BTBD9: variants seen among roughly 807,000 people sequenced by gnomAD.
BTBD9 encodes the protein BTB domain containing 9, also known as BTB/POZ domain-containing protein 9.
A neutral mutation model predicts 64.3 loss-of-function variants in BTBD9; 49 were observed. The ratio of observed to expected loss-of-function variants is 0.76; its 90% CI spans 0.61 to 0.97. BTBD9 has a LOEUF of 0.97. BTBD9 is among the 50% of genes least tolerant of loss of function. The pLI is 0.00. For missense variants in BTBD9, 598 were observed against 762.1 expected (o/e 0.78, Z 2.53); for synonymous variants, 260 against 274.7 (o/e 0.95, Z 0.53).
intron 6 of BTBD9, among the ~76,000 whole-genome samples, chr6:38,412,115 C>G (rs1767455106): frequency 6.6e-6 from 1 of 151,816 alleles, no homozygotes; most frequent in African/African-American, 2.4e-5. Context: ...ACTGATCAAT[C>G]TGACTACATA....
rs562471445 is a variant in BTBD9, at chr6:38,463,114, A to AT, written c.1154+114485dup. 3.1e-3 allele frequency among the ~76,000 whole-genome samples: 479 copies of AT among 152,200 alleles called. 2 individuals carry two copies. The highest frequency in any genetic ancestry group is 0.011 in the African/African-American group (457 of 41,518). On this transcript the variant is annotated intron_variant, in intron 6 of 10. Coordinates refer to ENST00000481247, the MANE Select transcript of BTBD9 (RefSeq NM_001099272.2). ...CCTGGCCTTGCACATCTTTTATCAGATTTTTTCCCCTAAGTATTTCAAATC... is the reference window on the plus strand; with the variant it reads ...CCTGGCCTTGCACATCTTTTATCAGATTTTTTTCCCCTAAGTATTTCAAATC...
At chr6:38,189,634 G>A (rs968762008) in intron 10 of BTBD9, among the ~76,000 whole-genome samples, 2 of 151,656 alleles carry the variant, frequency 1.3e-5, no homozygotes, top group Non-Finnish European at 2.9e-5. Flanking sequence ...GGGACTATAG[G>A]TGCACACCAC....
At chr6:38,602,858 GA>G (rs1038452554) in intron 1 of BTBD9, among the ~76,000 whole-genome samples, 6 of 150,778 alleles carry the variant, frequency 4.0e-5, no homozygotes, top group African/African-American at 9.8e-5. Context: ...ACTGGCAAGA[GA>G]AAAAAAAAGT....
intron 6 of BTBD9, among the ~76,000 whole-genome samples, chr6:38,487,624 A>AGAGAGAGAG (rs1771516499): frequency 7.4e-6 from 1 of 134,590 alleles, no homozygotes; most frequent in Admixed American, 7.4e-5. Flanking sequence ...AGAGAGAGAG[A>AGAGAGAGAG]AGGAAGGAAA....
chr6:38,390,117 T>C (rs1052564152), intron 6 of BTBD9, among the ~76,000 whole-genome samples: 4 of 152,228 alleles, frequency 2.6e-5, no homozygotes, highest in Non-Finnish European at 5.9e-5. Context: ...CAGAGTGTGC[T>C]GCGCTACAAC....
intron 6 of BTBD9, among the ~76,000 whole-genome samples, chr6:38,394,941 G>A (rs1012397451): frequency 2.7e-5 from 4 of 149,220 alleles, no homozygotes; most frequent in African/African-American, 1.0e-4. Flanking sequence ...TGAGCTGACA[G>A]ATGATATAAC....
intron 1 of BTBD9, among the ~76,000 whole-genome samples, chr6:38,608,365 T>C (rs371782405): frequency 2.0e-5 from 3 of 152,212 alleles, no homozygotes; most frequent in South Asian, 2.1e-4. Context: ...AAAGTCATGA[T>C]GAGCGCAGAG....
chr6:38,377,226 A>T (rs1202921463), intron 6 of BTBD9, among the ~76,000 whole-genome samples: 1 of 152,226 alleles, frequency 6.6e-6, no homozygotes, highest in Non-Finnish European at 1.5e-5. Context: ...GTAGAAGCTG[A>T]AGTTTATTAT....
At chr6:38,593,143 G>A (rs1481792856) in intron 3 of BTBD9, among the ~76,000 whole-genome samples, 1 of 152,184 alleles carries the variant, frequency 6.6e-6, no homozygotes, top group East Asian at 1.9e-4. Context: ...GTGAAAAGCT[G>A]TCAATACATT....
At chr6:38,352,254 G>A (rs958016455) in intron 6 of BTBD9, among the ~76,000 whole-genome samples, 5 of 152,022 alleles carry the variant, frequency 3.3e-5, no homozygotes, top group Non-Finnish European at 5.9e-5. Flanking sequence ...GTGCACGCCT[G>A]TAGTTCCAGC....
chr6:38,469,927 G>A (rs956445203), intron 6 of BTBD9, among the ~76,000 whole-genome samples: 9 of 152,190 alleles, frequency 5.9e-5, no homozygotes, highest in East Asian at 1.9e-4. Flanking sequence ...AATTGAGCAC[G>A]TACACAAGAA....
chr6:38,366,882 T>C (rs1765203106), intron 6 of BTBD9, among the ~76,000 whole-genome samples: 1 of 152,270 alleles, frequency 6.6e-6, no homozygotes, highest in Admixed American at 6.5e-5. Context: ...TATTGCAATT[T>C]CGCTGCATCG....
chr6:38,472,697 C>T (rs1173068068), intron 6 of BTBD9, among the ~76,000 whole-genome samples: 1 of 152,076 alleles, frequency 6.6e-6, no homozygotes, highest in Non-Finnish European at 1.5e-5. Flanking sequence ...TTGGTTCCTA[C>T]CTTCATTCGT....
At chr6:38,578,027 T>C (rs1433084939) in intron 5 of BTBD9, among the ~76,000 whole-genome samples, 1 of 152,194 alleles carries the variant, frequency 6.6e-6, no homozygotes, top group African/African-American at 2.4e-5. Flanking sequence ...GCAAGATATT[T>C]ACTCCTTTTC....
intron 8 of BTBD9, among the ~76,000 whole-genome samples, chr6:38,275,393 G>C (rs867545463): frequency 2.6e-4 from 40 of 151,314 alleles, no homozygotes; most frequent in Non-Finnish European, 4.1e-4. Context: ...ACCATAAAAA[G>C]CCTAGAAGAA....
intron 6 of BTBD9, among the ~76,000 whole-genome samples, chr6:38,480,783 T>C (rs1490891802): frequency 2.6e-5 from 4 of 152,114 alleles, no homozygotes; most frequent in African/African-American, 7.2e-5. Flanking sequence ...ATGATTCCAG[T>C]GCCAGTTTTA....
chr6:38,233,944 A>G (rs1051442626), intron 9 of BTBD9, among the ~76,000 whole-genome samples: 1 of 152,284 alleles, frequency 6.6e-6, no homozygotes, highest in Non-Finnish European at 1.5e-5. Flanking sequence ...TAAGGCTTTT[A>G]TATTACAGGC....
intron 1 of BTBD9, among the ~76,000 whole-genome samples, chr6:38,628,037 C>T (rs368849489): frequency 1.3e-5 from 2 of 151,928 alleles, no homozygotes; most frequent in African/African-American, 2.4e-5. Context: ...GTGAGGCATG[C>T]GCAAAAAGGG....
intron 6 of BTBD9, among the ~76,000 whole-genome samples, chr6:38,487,600 A>AGC (rs1771513233): frequency 6.8e-6 from 1 of 145,992 alleles, no homozygotes; most frequent in Non-Finnish European, 1.5e-5. Context: ...AGCGAGAGAG[A>AGC]GAGAGAGAGA....
Sources: allele counts gnomAD v4.1 joint callset (sites outside exome capture counted in the v4.1 genomes callset), GRCh38; gene constraint gnomAD v4.1.1; transcripts MANE v1.5; gene names NCBI Gene and HGNC (gene_info 2026-07-23, HGNC 2026-07-21).